Variants in NOS2 observed in about 807,000 individuals in gnomAD.
The protein encoded by NOS2 is nitric oxide synthase 2.
A neutral mutation model predicts 136.0 loss-of-function variants in NOS2; 96 were observed. The observed-to-expected ratio is 0.71, with a 90% CI of 0.60 to 0.84. The LOEUF is 0.84. Among genes scored for constraint, NOS2 ranks in the 40% least tolerant of loss-of-function variants. The pLI is 0.00. For synonymous variants in NOS2, 539 were observed against 587.5 expected (o/e 0.92, Z 1.20); for missense variants, 1,237 against 1,496.9 (o/e 0.83, Z 2.87).
chr17:27,773,744 A>G (rs1483403053), intron 12 of NOS2, among the ~76,000 whole-genome samples: 4 of 152,148 alleles, frequency 2.6e-5, no homozygotes, highest in Non-Finnish European at 5.9e-5. Flanking sequence ...AACTCTTCTC[A>G]ATAGCTCATG....
At chr17:27,767,658 C>T (rs752989758) in intron 18 of NOS2, 47 bp downstream of exon 18, 4 of 1,602,258 alleles carry the variant, frequency 2.5e-6, no homozygotes, top group Admixed American at 3.4e-5. Flanking sequence ...GCTTAGGGCT[C>T]AGACCCCAAC....
chr17:27,760,246 G>A (rs1908075085), intron 24 of NOS2, 68 bp from the exon 25 acceptor site: 3 of 1,460,382 alleles, frequency 2.1e-6, no homozygotes, highest in African/African-American at 1.4e-5. Context: ...AAGCCCAACT[G>A]GAATTCTCAC....
intron 9 of NOS2, among the ~76,000 whole-genome samples, 160 bp from the exon 10 acceptor site, chr17:27,779,216 G>A (rs940723615): frequency 3.3e-5 from 5 of 151,406 alleles, no homozygotes; most frequent in South Asian, 2.1e-4. Flanking sequence ...GGGCCCAAGC[G>A]ATCCTCCTGC....
Position 27,773,165 on chromosome 17 carries a change from C to A in NOS2, c.1555G>T (p.Val519Phe), listed in dbSNP as rs1383985351. The A allele has an allele frequency of 1.2e-6, 2 of 1,613,722 alleles. No individual in the cohort carries two copies. The highest frequency in any genetic ancestry group is 2.7e-5 in the African/African-American group (2 of 74,926). ...GCCACTGCCACTGCCACTCACTTGA[C>A]CAAGACTTTCAATGGAATCTCTCTT... Reference protein sequence around the residue: ...KRREIPLKVLVKAVLFACMLM... With the variant: ...KRREIPLKVLFKAVLFACMLM... Residue 519 changes from valine to phenylalanine, a missense_variant, in exon 13 of 27, where the codon GTC becomes TTC. Physicochemically the swap from Val to Phe is conservative, Grantham distance 50. This residue lies in a region of NOS2 where 782 missense variants were observed against 909.9 expected (regional missense o/e 0.86). Coordinates refer to ENST00000313735, the MANE Select transcript of NOS2 (RefSeq NM_000625.4).
chr17:27,775,114 C>A (rs533045635), intron 11 of NOS2, among the ~76,000 whole-genome samples: 1 of 152,330 alleles, frequency 6.6e-6, no homozygotes, highest in Non-Finnish European at 1.5e-5. Flanking sequence ...GCCATGTGAC[C>A]TTGAGCAATT....
rs768178177 is a variant in NOS2, at chr17:27,760,223, G to A, written c.3011-45C>T. 4 of 1,499,064 alleles carry A rather than the reference G, an allele frequency of 2.7e-6. No homozygotes were observed. The East Asian group carries it at 7.2e-5, about 27-fold the overall frequency. 92.9% of individuals were successfully genotyped at this position (1,499,064 alleles called of 1,614,324 possible). A position where few individuals can be genotyped will look rare whatever the true frequency, so the allele number is the denominator to read the frequency against. On this transcript the variant is annotated intron_variant, in intron 24 of 26. Transcript: ENST00000313735. ...TTGTTACCATGTTGGCCACCAGAGG[G>A]CGCCAGGGCTCCAAGCCCAACTGGA...
At chr17:27,781,223 G>A in intron 7 of NOS2, 46 bp from the exon 8 acceptor site, 1 of 1,566,614 alleles carries the variant, frequency 6.4e-7, no homozygotes, top group Non-Finnish European at 8.6e-7. Flanking sequence ...GCCCTGGTGG[G>A]GGCCCAGCCA....
At chr17:27,765,412 G>A (rs1467909470) in intron 20 of NOS2, 123 bp downstream of exon 20, 8 of 871,284 alleles carry the variant, frequency 9.2e-6, no homozygotes, top group African/African-American at 1.7e-5. Context: ...AAGCTTTGGT[G>A]GCCCGCCCTC....
At chr17:27,758,430 T>C (rs1907999198) in intron 26 of NOS2, among the ~76,000 whole-genome samples, 1 of 152,154 alleles carries the variant, frequency 6.6e-6, no homozygotes, top group Admixed American at 6.5e-5. Flanking sequence ...ATATCACTAT[T>C]ATCTTCATCA....
intron 21 of NOS2, 72 bp from the exon 22 acceptor site, chr17:27,763,077 G>T: frequency 2.0e-6 from 2 of 996,518 alleles, no homozygotes; most frequent in Non-Finnish European, 3.0e-6. Context: ...TCACAACCCA[G>T]TATTCATTCA....
Position 27,770,919 on chromosome 17 carries a change from A to T in NOS2, c.1803T>A (p.Asn601Lys), listed in dbSNP as rs762721893. ...STFGNGDCPG[N>K]GEKLKKSLFM... is the part of the protein sequence containing the mutation. ...CAGACCTCAAGCCACCCACCTCTCC[A>T]TTGCCAGGGCAGTCTCCATTGCCAA... Residue 601 changes from asparagine (N) to lysine (K), a missense_variant, in exon 15 of 27, where the codon AAT becomes AAA. Physicochemically the swap from Asn to Lys is moderately conservative, Grantham distance 94. This residue lies in a region of NOS2 where 782 missense variants were observed against 909.9 expected (regional missense o/e 0.86). Transcript: ENST00000313735. 2 of 1,613,354 alleles carry T rather than the reference A, an allele frequency of 1.2e-6. No homozygotes were observed. The highest frequency in any genetic ancestry group is 2.2e-5 in the East Asian group (1 of 44,872).
chr17:27,765,694 G>T lies in NOS2; in HGVS notation c.2269C>A (p.Leu757Ile), dbSNP rs1167154742. 1 of 1,609,360 alleles carries T rather than the reference G, an allele frequency of 6.2e-7. No individual in the cohort carries two copies. Residue 757 changes from leucine to isoleucine, a missense_variant, in exon 20 of 27, where the codon CTC becomes ATC. By Grantham distance (5) the Leu-to-Ile change is conservative. Transcript: ENST00000313735. ...AGGCCTTGGCCATCCTCACAGGAGAGTTCCACCAGGATGGTGGCACGGCTG... is the reference window on the plus strand; with the variant it reads ...AGGCCTTGGCCATCCTCACAGGAGATTTCCACCAGGATGGTGGCACGGCTG... ...TSSRATILVE[L>I]SCEDGQGLNY...
At position 27,780,856 on chromosome 17, in the gene NOS2, G is replaced by T; in HGVS notation, c.915C>A (p.Val305=). 6.2e-7 allele frequency: 1 copy of T among 1,614,154 alleles called. No individual in the cohort carries two copies. Among genetic ancestry groups the T allele is most frequent in the Non-Finnish European group, 8.5e-7 (1 of 1,180,012 alleles). Residue 305 remains valine (V), a synonymous_variant, in exon 9 of 27, where the codon GTC becomes GTA. Transcript: ENST00000313735. Reference sequence around the variant, plus strand: ...GGCCATTGGCCTGCAGGACCAGGGGGACCACATCGAAGCGGCCGTACTTGG... The same window carrying T: ...GGCCATTGGCCTGCAGGACCAGGGGTACCACATCGAAGCGGCCGTACTTGG... ...WKPKYGRFDV[V]PLVLQANGRD...
chr17:27,766,833 G>T (rs1908318305), intron 18 of NOS2, among the ~76,000 whole-genome samples: 1 of 151,992 alleles, frequency 6.6e-6, no homozygotes, highest in Admixed American at 6.6e-5. Context: ...GATTACTGGA[G>T]GTCAAGAGTT....
chr17:27,798,581 G>A (rs1909429465), intron 2 of NOS2, 119 bp downstream of exon 2: 1 of 689,934 alleles, frequency 1.4e-6, no homozygotes, highest in South Asian at 1.7e-5. Context: ...AAGAAGCAAT[G>A]AGGAGATCAG....
intron 18 of NOS2, 149 bp downstream of exon 18, chr17:27,767,556 T>C (rs1908344556): frequency 1.1e-6 from 1 of 911,592 alleles, no homozygotes; most frequent in East Asian, 2.7e-5. Flanking sequence ...CCTTGAGTAT[T>C]ATGCCCTAAC....
Position 27,780,874 on chromosome 17 carries a change from G to A in NOS2, c.897C>T (p.Tyr299=), listed in dbSNP as rs368660514. 2.7e-5 allele frequency: 43 copies of A among 1,613,968 alleles called. No homozygotes were observed. The African/African-American group carries it at 3.5e-4, about 13-fold the overall frequency. ...CCAGGGGGACCACATCGAAGCGGCCGTACTTGGGCTTCCAGCCCAGGTCGA... is the reference window on the plus strand; with the variant it reads ...CCAGGGGGACCACATCGAAGCGGCCATACTTGGGCTTCCAGCCCAGGTCGA... ...LCIDLGWKPK[Y]GRFDVVPLVL... The change falls in exon 9 of 27, where the codon TAC becomes TAT. Residue 299 remains tyrosine, a synonymous_variant. Coordinates refer to ENST00000313735, the MANE Select transcript of NOS2 (RefSeq NM_000625.4).
At chr17:27,774,779 T>C (rs1476721362) in intron 11 of NOS2, among the ~76,000 whole-genome samples, 1 of 152,236 alleles carries the variant, frequency 6.6e-6, no homozygotes, top group African/African-American at 2.4e-5. Flanking sequence ...TCTCTGGATC[T>C]GCATAACTTA....
At chr17:27,789,079 C>G (rs760168228) in intron 3 of NOS2, 148 bp from the exon 4 acceptor site, 12 of 1,098,302 alleles carry the variant, frequency 1.1e-5, no homozygotes, top group Non-Finnish European at 1.5e-5. Flanking sequence ...CCCGGGCGAC[C>G]TGGGCCAGTG....
Sources: gnomAD v4.1 joint callset for allele counts (sites outside exome capture counted in the v4.1 genomes callset) on GRCh38, gnomAD v4.1.1 for gene constraint, gnomAD v4.1.1 regional missense constraint, MANE v1.5 for transcripts, NCBI Gene and HGNC (gene_info 2026-07-23, HGNC 2026-07-21) for gene names.